The following TERT variants were observed in gnomAD, a reference collection of about 807,000 sequenced individuals.
TERT encodes telomerase catalytic subunit.
Under a neutral mutation model 104.0 loss-of-function variants are expected in TERT, and 42 were observed. That is an observed-to-expected ratio of 0.40 (90% CI 0.32 to 0.52). The LOEUF is 0.52. TERT is among the 20% of genes least tolerant of loss of function. The pLI, the probability that TERT is intolerant of heterozygous loss-of-function variation, is 0.43. For missense variants in TERT, 1,101 were observed against 1,610.3 expected, an observed-to-expected ratio of 0.68 and a Z score of 5.41; for synonymous variants, 781 against 725.6, an observed-to-expected ratio of 1.08 and a Z score of -1.23.
In TERT at chr5:1,254,798, G is replaced by GGCAGAGGACGGTGACTGGGAA. The variant is rs577351990; in HGVS notation, c.3158-314_3158-294dup. ...CCTGATGCTGGACAAAGTGTCCAGG[G>GGCAGAGGACGGTGACTGGGAA]GCAGAGGACGGTGACTGGGAAGCAG... On this transcript the variant is annotated intron_variant, in intron 14 of 15. Transcript: ENST00000310581. Among the ~76,000 whole-genome samples, 221 of 152,316 alleles carry GGCAGAGGACGGTGACTGGGAA rather than the reference G, an allele frequency of 1.5e-3. 9 individuals are homozygous for GGCAGAGGACGGTGACTGGGAA. In the East Asian group the frequency reaches 0.039, roughly 27 times the overall value.
chr5:1,282,868 C>T, intron 2 of TERT: 2 of 585,272 alleles, frequency 3.4e-6, no homozygotes, highest in Admixed American at 2.6e-5. Context: ...CGAACTCACC[C>T]CGGACCTGCA....
chr5:1,253,794 C>A lies in TERT; in HGVS notation c.3333G>T (p.Thr1111=), dbSNP rs200102606. 2 of 1,611,878 alleles carry A rather than the reference C, an allele frequency of 1.2e-6. No homozygotes were observed. The highest frequency in any genetic ancestry group is 1.7e-6 in the Non-Finnish European group (2 of 1,179,710). ...TGGCTGCGGCCTCCAGGGCAGTCAG[C>A]GTCGTCCCCGGGAGCTTCCGACTCA... ...TQLSRKLPGT[T]LTALEAAANP... Residue 1111 remains threonine (T), a synonymous_variant, in exon 16 of 16, where the codon ACG becomes ACT. Transcript: ENST00000310581.
chr5:1,293,975 T>C lies in TERT; in HGVS notation c.911A>G (p.His304Arg). 1 of 1,563,820 alleles carries C rather than the reference T, an allele frequency of 6.4e-7. No homozygotes were observed. Among genetic ancestry groups the C allele is most frequent in the Non-Finnish European group, 8.6e-7 (1 of 1,158,122 alleles). Reference sequence around the variant, plus strand: ...CCGCGATGTGGATGGGGGGCCCGCGTGGTGCTGGCGGCCCACGGATGGGTG... The same window carrying C: ...CCGCGATGTGGATGGGGGGCCCGCGCGGTGCTGGCGGCCCACGGATGGGTG... Reference protein sequence around the residue: ...HSHPSVGRQHHAGPPSTSRPP... With the variant: ...HSHPSVGRQHRAGPPSTSRPP... Residue 304 changes from histidine to arginine, a missense_variant, in exon 2 of 16, where the codon CAC (histidine) becomes CGC (arginine). By Grantham distance (29) the His-to-Arg change is conservative (BLOSUM62 0). Coordinates refer to ENST00000310581, the MANE Select transcript of TERT (RefSeq NM_198253.3).
Position 1,255,807 on chromosome 5 carries a change from G to A in TERT, c.3033-396C>T, listed in dbSNP as rs182597862. On this transcript the variant is annotated intron_variant, in intron 13 of 15. Transcript: ENST00000310581. This position sits in a 1 kb window ranked among gnomAD's most constrained non-coding sequence, Gnocchi z 6.9. ...GTACTTATCATGAATCCTGCCCTTC[G>A]TCAGACAACCTTGATGTCATCGTAT... 1.1e-4 allele frequency among the ~76,000 whole-genome samples: 17 copies of A among 151,926 alleles called. No individual in the cohort carries two copies. The highest frequency in any genetic ancestry group is 2.1e-4 in the South Asian group (1 of 4,802).
intron 11 of TERT, 180 bp downstream of exon 11, chr5:1,264,224 C>A (rs894312957): frequency 7.6e-6 from 5 of 654,998 alleles, no homozygotes; most frequent in Admixed American, 2.5e-5. Context: ...AGCACCCTCA[C>A]TCCCACAGAA....
At chr5:1,267,066 C>T (rs1026586911) in intron 9 of TERT, among the ~76,000 whole-genome samples, 8 of 152,188 alleles carry the variant, frequency 5.3e-5, no homozygotes, top group Admixed American at 2.6e-4. Context: ...GCCGCCAGCT[C>T]GAGGACACTT....
At chr5:1,282,822 C>G in intron 2 of TERT, 198 bp from the exon 3 acceptor site, 1 of 619,052 alleles carries the variant, frequency 1.6e-6, no homozygotes, top group Non-Finnish European at 2.9e-6. Context: ...CATTCGGACA[C>G]GGGGACACCG....
intron 2 of TERT, among the ~76,000 whole-genome samples, chr5:1,290,151 A>G (rs62332590): frequency 7.2e-3 from 126 of 17,622 alleles, no homozygotes; most frequent in East Asian, 0.019. Context: ...CACTCACCCT[A>G]CACGTGACAG....
chr5:1,285,651 C>T (rs1044039513), intron 2 of TERT, among the ~76,000 whole-genome samples: 2 of 137,530 alleles, frequency 1.5e-5, no homozygotes, highest in East Asian at 4.5e-4. Context: ...CTCACTGCAA[C>T]TTCCAACTCC....
Position 1,278,111 on chromosome 5 carries a change from C to T in TERT, c.2286+530G>A, listed in dbSNP as rs538055885. 4.6e-5 allele frequency among the ~76,000 whole-genome samples: 7 copies of T among 152,326 alleles called. No individual in the cohort carries two copies. The East Asian group carries it at 1.3e-3, about 29-fold the overall frequency. The stretch of plus-strand genomic sequence containing the variant: ...AGGTACCACCAGCATCCCTACTCTC[C>T]TCTCAAACCTGGCTTACAGTCTCCA... On this transcript the variant is annotated intron_variant, in intron 6 of 15. Transcript: ENST00000310581.
intron 3 of TERT, among the ~76,000 whole-genome samples, chr5:1,280,685 C>T (rs974771554): frequency 2.0e-5 from 3 of 152,204 alleles, no homozygotes; most frequent in Non-Finnish European, 4.4e-5. Context: ...GGATGCCTGT[C>T]CCTCTGGTAC....
At chr5:1,280,034 G>A (rs546638506) in intron 4 of TERT, 124 bp downstream of exon 4, 67 of 1,296,518 alleles carry the variant, frequency 5.2e-5, no homozygotes, top group East Asian at 4.9e-4. Context: ...ATGGGTTGGC[G>A]CCGTGCCATG....
chr5:1,277,617 T>A (rs1310468589), intron 6 of TERT, among the ~76,000 whole-genome samples: 3 of 115,350 alleles, frequency 2.6e-5, no homozygotes. Flanking sequence ...GGGGGGGGTC[T>A]CCTGGGCTCT....
chr5:1,293,972 G>A lies in TERT; in HGVS notation c.914C>T (p.Ala305Val), dbSNP rs750129321. 4 of 1,560,712 alleles carry A rather than the reference G, an allele frequency of 2.6e-6. No homozygotes were observed. In the Admixed American group the frequency reaches 5.7e-5, roughly 22 times the overall value. The change falls in exon 2 of 16, where the codon GCG becomes GTG. Residue 305 changes from alanine to valine, a missense_variant. By Grantham distance (64) the Ala-to-Val change is moderately conservative. Coordinates refer to ENST00000310581, the MANE Select transcript of TERT (RefSeq NM_198253.3). ...SHPSVGRQHH[A>V]GPPSTSRPPR... is the part of the protein sequence containing the mutation. ...TGGCCGCGATGTGGATGGGGGGCCC[G>A]CGTGGTGCTGGCGGCCCACGGATGG...
chr5:1,284,498 G>T (rs1750328855), intron 2 of TERT, among the ~76,000 whole-genome samples: 1 of 115,988 alleles, frequency 8.6e-6, no homozygotes, highest in Non-Finnish European at 1.9e-5. Context: ...CTCACCGAGG[G>T]CCTGGCGACC....
At chr5:1,275,837 T>C (rs13156311) in intron 6 of TERT, among the ~76,000 whole-genome samples, 46 of 58,150 alleles carry the variant, frequency 7.9e-4, no homozygotes, top group African/African-American at 2.3e-3. Context: ...TGAAAACCAA[T>C]CCCACAGATC....
At chr5:1,289,903 G>A (rs1199496619) in intron 2 of TERT, among the ~76,000 whole-genome samples, 1 of 67,916 alleles carries the variant, frequency 1.5e-5, no homozygotes, top group Non-Finnish European at 2.7e-5. Flanking sequence ...CACCCTGCAC[G>A]TGACAGGGAC....
At position 1,294,764 on chromosome 5, in the gene TERT, G is replaced by A. The variant is rs573817924; in HGVS notation, c.219+7C>T. The A allele has an allele frequency of 6.3e-4, 974 of 1,544,544 alleles. 1 individual carries two copies. Among genetic ancestry groups the A allele is most frequent in the Non-Finnish European group, 8.2e-4 (941 of 1,154,274 alleles). ...CCCAGCCGGACGCCGACCCCGGGGA[G>A]GCCCACCTGGCGGAAGGAGGGGGCG... On this transcript the variant is annotated splice_region_variant and intron_variant, in intron 1 of 15. Transcript: ENST00000310581.
chr5:1,275,772 T>C (rs13156282), intron 6 of TERT, among the ~76,000 whole-genome samples: 3,778 of 76,580 alleles, frequency 0.049, 39 homozygotes, highest in Middle Eastern at 0.11. Flanking sequence ...CCCACAGATC[T>C]CCACCTACCC....
Sources: allele counts gnomAD v4.1 joint callset (sites outside exome capture counted in the v4.1 genomes callset), GRCh38; gene constraint gnomAD v4.1.1; non-coding constraint Gnocchi (gnomAD v3.1); transcripts MANE v1.5; gene names NCBI Gene and HGNC (gene_info 2026-07-23, HGNC 2026-07-21).